Variants in DTWD2 observed in about 807,000 individuals in gnomAD.
DTWD2 encodes the protein DTW motif tRNA-uridine aminocarboxypropyltransferase 2, also known as tRNA-uridine aminocarboxypropyltransferase 2.
Under a neutral mutation model 31.8 loss-of-function variants are expected in DTWD2, and 39 were observed. The ratio of observed to expected loss-of-function variants is 1.22; its 90% confidence interval spans 0.95 to 1.60. DTWD2 has a LOEUF of 1.60. DTWD2 is among the 40% of genes most tolerant of loss of function. The probability of loss-of-function intolerance (pLI) is 0.00; values close to 1 mark genes in which losing one functional copy is unlikely to be tolerated. For missense variants in DTWD2, 515 were observed against 381.5 expected (o/e 1.35, Z -2.92); for synonymous variants, 180 against 142.8 (o/e 1.26, Z -1.86).
chr5:118,986,854 A>C (rs1014858212), intron 1 of DTWD2, among the ~76,000 whole-genome samples: 3 of 152,168 alleles, frequency 2.0e-5, no homozygotes, highest in Non-Finnish European at 4.4e-5. Flanking sequence ...ATGCATAGCA[A>C]GAGGGAGGAG....
At position 118,839,180 on chromosome 5, in the gene DTWD2, T is replaced by C. The variant is rs1420346189; in HGVS notation, c.*1737A>G. The C allele has an allele frequency of 6.6e-6, 1 of 151,662 alleles. No individual in the cohort carries two copies. The highest frequency in any genetic ancestry group is 1.5e-5 in the Non-Finnish European group (1 of 67,924). 9.4% of individuals were successfully genotyped at this position (151,662 alleles called of 1,614,324 possible). On this transcript the variant is annotated 3_prime_UTR_variant, in exon 6 of 6. Coordinates refer to ENST00000510708, the MANE Select transcript of DTWD2 (RefSeq NM_173666.4). ...CCATCTCAAATAATAATAATAATAA[T>C]AATAATGACTAAAAGAAACTCATGA...
At chr5:118,913,775 T>A (rs936946707) in intron 4 of DTWD2, among the ~76,000 whole-genome samples, 1 of 152,148 alleles carries the variant, frequency 6.6e-6, no homozygotes, top group African/African-American at 2.4e-5. Flanking sequence ...GCAAACATGA[T>A]TATAAAACCA....
At chr5:118,897,322 C>T (rs1753105876) in intron 4 of DTWD2, among the ~76,000 whole-genome samples, 1 of 152,188 alleles carries the variant, frequency 6.6e-6, no homozygotes, top group African/African-American at 2.4e-5. Flanking sequence ...TTATCTACAA[C>T]AGAAGCTCAT....
At chr5:118,964,749 T>G (rs938940001) in intron 1 of DTWD2, among the ~76,000 whole-genome samples, 8 of 152,246 alleles carry the variant, frequency 5.3e-5, no homozygotes, top group African/African-American at 1.4e-4. Flanking sequence ...GTGCTCAATG[T>G]TGCCCAGGCT....
Position 118,959,319 on chromosome 5 carries a change from G to A in DTWD2, c.219-14670C>T, listed in dbSNP as rs187682099. 5.0e-3 allele frequency among the ~76,000 whole-genome samples: 758 copies of A among 152,136 alleles called. 11 individuals are homozygous for A. The highest frequency in any genetic ancestry group is 0.034 in the South Asian group (163 of 4,818). On this transcript the variant is annotated intron_variant, in intron 1 of 5. Transcript: ENST00000510708. ...TACACCAATAATGTCCAAGCTGAGC[G>A]CCAAATCAAGAACACAATCCCACTC... is the stretch of plus-strand genomic sequence containing the variant.
chr5:118,856,012 C>T (rs1752125717), intron 4 of DTWD2, among the ~76,000 whole-genome samples: 1 of 152,040 alleles, frequency 6.6e-6, no homozygotes. Flanking sequence ...ATTTAAGAAA[C>T]TGAATATATC....
intron 5 of DTWD2, among the ~76,000 whole-genome samples, chr5:118,847,285 T>G (rs573649250): frequency 6.6e-6 from 1 of 152,156 alleles, no homozygotes; most frequent in Non-Finnish European, 1.5e-5. Flanking sequence ...TGTGCGTGTG[T>G]GCATCCATGT....
intron 4 of DTWD2, among the ~76,000 whole-genome samples, chr5:118,860,755 G>C (rs1272109431): frequency 1.3e-5 from 2 of 152,108 alleles, no homozygotes; most frequent in Non-Finnish European, 2.9e-5. Context: ...ATTCTTGTTA[G>C]GACAGAGGTT....
intron 4 of DTWD2, among the ~76,000 whole-genome samples, chr5:118,904,000 T>G (rs1393776395): frequency 1.3e-5 from 2 of 152,078 alleles, no homozygotes; most frequent in Non-Finnish European, 2.9e-5. Flanking sequence ...ATAACCAACA[T>G]TTTTAATGTA....
At chr5:118,978,396 G>C (rs1030066583) in intron 1 of DTWD2, among the ~76,000 whole-genome samples, 4 of 152,122 alleles carry the variant, frequency 2.6e-5, no homozygotes, top group Non-Finnish European at 4.4e-5. Context: ...TTAAACTAAA[G>C]ATCTCTGCAC....
chr5:118,870,640 C>T (rs551526051), intron 4 of DTWD2, among the ~76,000 whole-genome samples: 7 of 152,302 alleles, frequency 4.6e-5, no homozygotes, highest in African/African-American at 1.7e-4. Context: ...GAGTCATCCT[C>T]CTTTGGTGGA....
At chr5:118,931,854 C>T (rs1411671543) in intron 3 of DTWD2, among the ~76,000 whole-genome samples, 1 of 152,102 alleles carries the variant, frequency 6.6e-6, no homozygotes, top group Non-Finnish European at 1.5e-5. Flanking sequence ...CATACCCTGA[C>T]AAATTTAAAA....
intron 3 of DTWD2, among the ~76,000 whole-genome samples, chr5:118,932,420 A>G (rs557679708): frequency 2.0e-5 from 3 of 152,284 alleles, no homozygotes; most frequent in South Asian, 4.1e-4. Context: ...GATGGAAATC[A>G]GTGAAGTTCA....
Position 118,840,923 on chromosome 5 carries a change from T to C in DTWD2, c.891A>G (p.Lys297=). 6.2e-7 allele frequency: 1 copy of C among 1,613,232 alleles called. No individual in the cohort carries two copies. The highest frequency in any genetic ancestry group is 8.5e-7 in the Non-Finnish European group (1 of 1,179,542). The stretch of plus-strand genomic sequence containing the variant: ...CACCAAAAGAATAACTGTACTAAAT[T>C]TTAACACTATTCATTAACAATTCCA... ...RKMELLMNSV[K]I The change falls in exon 6 of 6, where the codon AAA becomes AAG. Residue 297 remains lysine, a synonymous_variant. Transcript: ENST00000510708.
intron 1 of DTWD2, among the ~76,000 whole-genome samples, chr5:118,986,859 G>A (rs966124438): frequency 6.6e-6 from 1 of 151,794 alleles, no homozygotes; most frequent in African/African-American, 2.4e-5. Context: ...TAGCAAGAGG[G>A]AGGAGAGCTT....
intron 1 of DTWD2, among the ~76,000 whole-genome samples, chr5:118,982,279 A>G (rs1170952813): frequency 1.3e-5 from 2 of 152,240 alleles, no homozygotes; most frequent in Non-Finnish European, 2.9e-5. Context: ...GAAAACTTCT[A>G]CCTATCGGAG....
chr5:118,962,746 A>T (rs968781197), intron 1 of DTWD2, among the ~76,000 whole-genome samples: 1 of 152,250 alleles, frequency 6.6e-6, no homozygotes, highest in African/African-American at 2.4e-5. Flanking sequence ...TAAATACTTT[A>T]ATTCTCACAA....
intron 3 of DTWD2, among the ~76,000 whole-genome samples, chr5:118,938,845 G>GAAAAAAAAAAAAA (rs1173603042): frequency 1.2e-5 from 1 of 82,630 alleles, no homozygotes; most frequent in Non-Finnish European, 2.8e-5. Context: ...AGATATTTAA[G>GAAAAAAAAAAAAA]AAAAAAAAAA....
intron 4 of DTWD2, among the ~76,000 whole-genome samples, chr5:118,891,195 T>A (rs965733157): frequency 4.1e-4 from 63 of 151,890 alleles, no homozygotes; most frequent in African/African-American, 1.1e-3. Context: ...ATTATCCTGA[T>A]TTTTTAGAAA....
Sources: gnomAD v4.1 joint callset for allele counts (sites outside exome capture counted in the v4.1 genomes callset) on GRCh38, gnomAD v4.1.1 for gene constraint, MANE v1.5 for transcripts, NCBI Gene and HGNC (gene_info 2026-07-23, HGNC 2026-07-21) for gene names.